The following ENPP6 variants were observed in gnomAD, a reference collection of about 807,000 sequenced individuals.
The protein encoded by ENPP6 is ectonucleotide pyrophosphatase/phosphodiesterase 6, also known as glycerophosphocholine cholinephosphodiesterase ENPP6.
Under a neutral mutation model 42.0 loss-of-function variants are expected in ENPP6, and 32 were observed. That is an observed-to-expected ratio of 0.76 (90% CI 0.58 to 1.02). The LOEUF (loss-of-function observed/expected upper bound fraction) is 1.02. Among genes scored for constraint, ENPP6 ranks in the 50% least tolerant of loss-of-function variants. The pLI, the probability that ENPP6 is intolerant of heterozygous loss-of-function variation, is 0.00. For missense variants in ENPP6, 552 were observed against 566.8 expected (o/e 0.97, Z 0.27); for synonymous variants, 213 against 216.0 (o/e 0.99, Z 0.12).
intron 1 of ENPP6, among the ~76,000 whole-genome samples, chr4:184,179,736 T>C (rs969038919): frequency 6.6e-6 from 1 of 152,150 alleles, no homozygotes; most frequent in Non-Finnish European, 1.5e-5. Flanking sequence ...ACCACACAAC[T>C]ATATGGAAAT....
At chr4:184,147,071 A>G (rs1736939603) in intron 2 of ENPP6, among the ~76,000 whole-genome samples, 2 of 151,848 alleles carry the variant, frequency 1.3e-5, no homozygotes, top group Admixed American at 1.3e-4. Context: ...CCCAGAGCCA[A>G]CTCCGAATTG....
intron 5 of ENPP6, among the ~76,000 whole-genome samples, chr4:184,113,253 G>T (rs1321152235): frequency 6.6e-6 from 1 of 152,162 alleles, no homozygotes. Flanking sequence ...CAGCTTTAGT[G>T]GGGGGAAAAG....
intron 1 of ENPP6, among the ~76,000 whole-genome samples, chr4:184,168,012 G>C (rs2111089664): frequency 6.6e-6 from 1 of 152,250 alleles, no homozygotes; most frequent in East Asian, 1.9e-4. Flanking sequence ...CACGGGAATA[G>C]GGGAGATTTT....
At chr4:184,203,970 G>C (rs940449654) in intron 1 of ENPP6, 9 of 152,178 alleles carry the variant, frequency 5.9e-5, no homozygotes, top group African/African-American at 2.2e-4. Context: ...AAGAAATCTA[G>C]TTTCTTACAG....
At chr4:184,148,359 T>C (rs2111374672) in intron 2 of ENPP6, among the ~76,000 whole-genome samples, 1 of 152,328 alleles carries the variant, frequency 6.6e-6, no homozygotes, top group East Asian at 1.9e-4. Flanking sequence ...TGGATGCTGC[T>C]AAAAAACTAT....
intron 3 of ENPP6, among the ~76,000 whole-genome samples, chr4:184,119,312 GGTGTGTGTGTGTGT>G (rs6148837): frequency 0.19 from 27,680 of 143,804 alleles, 3,065 homozygotes; most frequent in African/African-American, 0.29. Flanking sequence ...TCTGTTTCTT[GGTGTGTGTGTGTGT>G]GTGTGTGTGT....
intron 5 of ENPP6, among the ~76,000 whole-genome samples, chr4:184,113,859 ATCTC>A (rs1290229646): frequency 6.7e-6 from 1 of 148,338 alleles, no homozygotes; most frequent in African/African-American, 2.5e-5. Flanking sequence ...ATTTCTTTTT[ATCTC>A]TCTCTCTTTC....
At chr4:184,212,282 A>G (rs1473164571) in intron 1 of ENPP6, among the ~76,000 whole-genome samples, 1 of 151,126 alleles carries the variant, frequency 6.6e-6, no homozygotes, top group Non-Finnish European at 1.5e-5. Flanking sequence ...TCAATTAGGA[A>G]AAGAGGAAGT....
chr4:184,201,451 G>A (rs1288086529), intron 1 of ENPP6, among the ~76,000 whole-genome samples: 2 of 151,022 alleles, frequency 1.3e-5, no homozygotes, highest in Non-Finnish European at 3.0e-5. Context: ...TGTGTAGACC[G>A]CAGTGGCTCC....
At chr4:184,155,908 T>G (rs144012101) in intron 1 of ENPP6, among the ~76,000 whole-genome samples, 1,713 of 152,348 alleles carry the variant, frequency 0.011, 21 homozygotes, top group Admixed American at 0.018. Context: ...CACTCATTCT[T>G]CTTTGTTCTC....
chr4:184,110,888 G>A lies in ENPP6; in HGVS notation c.993+1784C>T, dbSNP rs114935403. ...ATGCCTTGAGGTCTCCCAGCACTGC[G>A]TTTCATCACTCACTGGAAGGCCCTG... On this transcript the variant is annotated intron_variant, in intron 6 of 7. Coordinates refer to ENST00000296741, the MANE Select transcript of ENPP6 (RefSeq NM_153343.4). 4.4e-3 allele frequency among the ~76,000 whole-genome samples: 669 copies of A among 152,254 alleles called. 8 individuals are homozygous for A. Among genetic ancestry groups the A allele is most frequent in the African/African-American group, 0.014 (599 of 41,544 alleles).
rs1047162425 is a variant in ENPP6, at chr4:184,091,622, C to T, written c.1118-240G>A. On this transcript the variant is annotated intron_variant, in intron 7 of 7. Transcript: ENST00000296741. ...ATGAATTTCTTTAAAAGACAAGCAG[C>T]AGAGCCAGGCTTGGGGGCTCACACC... Among the ~76,000 whole-genome samples, 7 of 152,176 alleles carry T rather than the reference C, an allele frequency of 4.6e-5. 1 individual carries two copies. The highest frequency in any genetic ancestry group is 1.2e-4 in the African/African-American group (5 of 41,524).
intron 7 of ENPP6, among the ~76,000 whole-genome samples, chr4:184,092,385 T>G (rs546659085): frequency 4.1e-4 from 63 of 152,302 alleles, no homozygotes; most frequent in African/African-American, 1.5e-3. Context: ...GGGATCCATG[T>G]GCAGGCTCTG....
Position 184,116,903 on chromosome 4 carries a change from G to A in ENPP6, c.808C>T (p.Arg270Cys), listed in dbSNP as rs758486645. Residue 270 changes from arginine to cysteine, a missense_variant, in exon 5 of 8, where the codon CGC becomes TGC. Transcript: ENST00000296741. ...SLNDLQQVKD[R>C]GPVVSLWPAP... ...GGCCAAAGGCTCACAACAGGCCCGCGGTCCTTCACTTGCTGCAGGTCATTC... is the reference window on the plus strand; with the variant it reads ...GGCCAAAGGCTCACAACAGGCCCGCAGTCCTTCACTTGCTGCAGGTCATTC... The A allele has an allele frequency of 7.4e-6, 12 of 1,614,038 alleles. No individual in the cohort carries two copies. The highest frequency in any genetic ancestry group is 4.4e-5 in the South Asian group (4 of 91,080).
chr4:184,125,444 C>T (rs971905918), intron 2 of ENPP6, among the ~76,000 whole-genome samples: 16 of 151,984 alleles, frequency 1.1e-4, no homozygotes, highest in African/African-American at 3.1e-4. Flanking sequence ...TTCTTGTAGC[C>T]CAGGGAAAAT....
chr4:184,164,780 C>T (rs1161563649), intron 1 of ENPP6, among the ~76,000 whole-genome samples: 3 of 152,224 alleles, frequency 2.0e-5, no homozygotes, highest in Non-Finnish European at 4.4e-5. Flanking sequence ...GTTAGCCCCG[C>T]TTTCCAGGTA....
intron 3 of ENPP6, among the ~76,000 whole-genome samples, chr4:184,121,508 T>C (rs1736415965): frequency 6.6e-6 from 1 of 152,230 alleles, no homozygotes; most frequent in African/African-American, 2.4e-5. Context: ...TGGAGAAATG[T>C]GTGTGCATGT....
intron 6 of ENPP6, among the ~76,000 whole-genome samples, chr4:184,097,681 G>C (rs536890720): frequency 2.6e-5 from 4 of 152,284 alleles, no homozygotes; most frequent in Admixed American, 6.5e-5. Context: ...GTGTATCTGC[G>C]GTGTCATAAA....
chr4:184,138,759 T>C (rs531357828), intron 2 of ENPP6, among the ~76,000 whole-genome samples: 45 of 152,318 alleles, frequency 3.0e-4, no homozygotes, highest in African/African-American at 1.0e-3. Context: ...CTATGGGAAC[T>C]GTGATATCCT....
Sources: allele counts gnomAD v4.1 joint callset (sites outside exome capture counted in the v4.1 genomes callset), GRCh38; gene constraint gnomAD v4.1.1; transcripts MANE v1.5; gene names NCBI Gene and HGNC (gene_info 2026-07-23, HGNC 2026-07-21).